Variants in STRN3 observed in about 807,000 individuals in gnomAD.
STRN3 encodes striatin 3, also known as striatin-3.
STRN3 carries 29 observed loss-of-function variants against 95.6 expected under a neutral mutation model. That is an observed-to-expected ratio of 0.30 (90% CI 0.23 to 0.41). The LOEUF is 0.41. Among genes scored for constraint, STRN3 ranks in the 10% least tolerant of loss-of-function variants. The pLI, the probability that STRN3 is intolerant of heterozygous loss-of-function variation, is 1.00. For missense variants in STRN3, 890 were observed against 972.1 expected (o/e 0.92, Z 1.12); for synonymous variants, 331 against 357.6 (o/e 0.93, Z 0.84).
At chr14:30,906,526 T>C (rs1156874718) in intron 14 of STRN3, among the ~76,000 whole-genome samples, 10 of 152,180 alleles carry the variant, frequency 6.6e-5, no homozygotes. Context: ...ACAGGGTTTA[T>C]AGGTATGCTT....
intron 8 of STRN3, among the ~76,000 whole-genome samples, chr14:30,926,400 G>C (rs1292566163): frequency 2.6e-5 from 4 of 151,904 alleles, no homozygotes; most frequent in Non-Finnish European, 4.4e-5. Context: ...TAATATTCTA[G>C]TTAAAATATT....
At chr14:31,022,831 T>TA (rs1883564894) in intron 1 of STRN3, among the ~76,000 whole-genome samples, 1 of 152,182 alleles carries the variant, frequency 6.6e-6, no homozygotes. Context: ...AAAACAGGAA[T>TA]ACTCACCTCA....
intron 10 of STRN3, 119 bp from the exon 11 acceptor site, chr14:30,912,301 G>C: frequency 1.1e-6 from 1 of 896,708 alleles, no homozygotes; most frequent in East Asian, 2.8e-5. Flanking sequence ...TGGCTAAAAT[G>C]TCCAGTGGAA....
chr14:31,001,037 A>G (rs1034620840), intron 1 of STRN3, among the ~76,000 whole-genome samples: 2 of 152,212 alleles, frequency 1.3e-5, no homozygotes, highest in African/African-American at 4.8e-5. Flanking sequence ...TGAGTGAGGC[A>G]GAGGGGGTAG....
intron 1 of STRN3, among the ~76,000 whole-genome samples, chr14:30,981,517 A>C (rs947637362): frequency 6.6e-6 from 1 of 152,016 alleles, no homozygotes; most frequent in Admixed American, 6.6e-5. Context: ...AATAAAAACC[A>C]TATCACACAA....
chr14:30,954,331 T>C (rs1422963211), intron 3 of STRN3, among the ~76,000 whole-genome samples: 3 of 152,298 alleles, frequency 2.0e-5, no homozygotes, highest in African/African-American at 2.4e-5. Flanking sequence ...TTTATTTTAC[T>C]GAGAAAGGGG....
intron 1 of STRN3, among the ~76,000 whole-genome samples, chr14:30,988,737 C>T (rs1376636298): frequency 6.6e-6 from 1 of 152,202 alleles, no homozygotes; most frequent in Non-Finnish European, 1.5e-5. Context: ...CATTATCCTA[C>T]ATTTTCAAGC....
At chr14:30,965,363 T>C (rs28648046) in intron 1 of STRN3, among the ~76,000 whole-genome samples, 61,544 of 151,916 alleles carry the variant, frequency 0.41, 13,020 homozygotes, top group Non-Finnish European at 0.47. Context: ...GTTAATTTAC[T>C]TTCTTCTGCC....
At chr14:30,935,845 A>G (rs948216939) in intron 6 of STRN3, among the ~76,000 whole-genome samples, 9 of 152,232 alleles carry the variant, frequency 5.9e-5, no homozygotes, top group Non-Finnish European at 1.0e-4. Context: ...TGTAGACCAG[A>G]GACTTTTGTG....
intron 1 of STRN3, among the ~76,000 whole-genome samples, chr14:31,006,049 G>A (rs1882695018): frequency 1.3e-5 from 2 of 149,734 alleles, no homozygotes; most frequent in South Asian, 2.1e-4. Flanking sequence ...AACCTGGGAG[G>A]CAGAGGCTGC....
intron 2 of STRN3, 70 bp from the exon 3 acceptor site, chr14:30,955,763 C>T: frequency 2.4e-6 from 3 of 1,242,084 alleles, no homozygotes; most frequent in East Asian, 2.5e-5. Context: ...TATATTACTC[C>T]AATAACAAAA....
rs1010471330 is a variant in STRN3, at chr14:30,987,461, C to T, written c.283-31219G>A. Among the ~76,000 whole-genome samples the T allele has an allele frequency of 1.1e-4, 16 of 151,918 alleles. No individual in the cohort carries two copies. The East Asian group carries it at 2.5e-3, about 24-fold the overall frequency. On this transcript the variant is annotated intron_variant, in intron 1 of 17. Transcript: ENST00000357479. ...GGCAGAGCTTGCAGTGAGCTGAGAT[C>T]GCGCCACTGCACTTCAGCCTGGGTG...
At position 30,956,257 on chromosome 14, in the gene STRN3, G is replaced by T. The variant is rs778336985; in HGVS notation, c.283-15C>A. 1 of 1,607,422 alleles carries T rather than the reference G, an allele frequency of 6.2e-7. No homozygotes were observed. The highest frequency in any genetic ancestry group is 1.1e-5 in the South Asian group (1 of 90,920). ...GCAATCCGGGCCTAAAAATATAAAA[G>T]ATGCATTTATTTACATTTTCCCTTA... On this transcript the variant is annotated splice_polypyrimidine_tract_variant and intron_variant, in intron 1 of 17. Transcript: ENST00000357479.
At position 31,001,784 on chromosome 14, in the gene STRN3, G is replaced by A. The variant is rs917061451; in HGVS notation, c.282+24120C>T. ...CTGTTATCTGTTATGAATGGCCCTT[G>A]GGAGGCCAAGGCAGGCGGATCACCT... On this transcript the variant is annotated intron_variant, in intron 1 of 17. Transcript: ENST00000357479. Among the ~76,000 whole-genome samples the A allele has an allele frequency of 4.6e-5, 7 of 152,130 alleles. No homozygotes were observed. The East Asian group carries it at 9.6e-4, about 21-fold the overall frequency.
At chr14:31,016,214 C>T (rs577853296) in intron 1 of STRN3, among the ~76,000 whole-genome samples, 102 of 152,130 alleles carry the variant, frequency 6.7e-4, no homozygotes, top group Non-Finnish European at 1.3e-3. Flanking sequence ...GGTATTTACT[C>T]AAATTACATG....
chr14:30,996,992 A>G (rs1594559546), intron 1 of STRN3, among the ~76,000 whole-genome samples: 2 of 152,332 alleles, frequency 1.3e-5, no homozygotes, highest in African/African-American at 2.4e-5. Flanking sequence ...ACTATTAACA[A>G]GAGGCGAAAG....
At chr14:30,931,178 G>A (rs117802624) in intron 7 of STRN3, among the ~76,000 whole-genome samples, 130 of 152,258 alleles carry the variant, frequency 8.5e-4, no homozygotes, top group Non-Finnish European at 1.6e-3. Flanking sequence ...TTTAGGCAGT[G>A]CAAAGAACAG....
intron 8 of STRN3, among the ~76,000 whole-genome samples, chr14:30,920,949 A>G (rs993561722): frequency 1.3e-4 from 19 of 151,778 alleles, no homozygotes; most frequent in Non-Finnish European, 2.5e-4. Flanking sequence ...AACTCCCTTC[A>G]TTTTCCAGTC....
At chr14:30,986,219 C>G (rs1188835830) in intron 1 of STRN3, among the ~76,000 whole-genome samples, 1 of 152,148 alleles carries the variant, frequency 6.6e-6, no homozygotes, top group African/African-American at 2.4e-5. Context: ...TTCTAAAATG[C>G]TGAGAACAAC....
Sources: allele counts gnomAD v4.1 joint callset (sites outside exome capture counted in the v4.1 genomes callset), GRCh38; gene constraint gnomAD v4.1.1; transcripts MANE v1.5; gene names NCBI Gene and HGNC (gene_info 2026-07-23, HGNC 2026-07-21).